The following FREM2 variants were observed in gnomAD, a reference collection of about 807,000 sequenced individuals.
FREM2 encodes FRAS1 related extracellular matrix 2, also known as FRAS1-related extracellular matrix protein 2.
FREM2 carries 119 observed loss-of-function variants against 219.9 expected under a neutral mutation model. The ratio of observed to expected loss-of-function variants is 0.54; its 90% CI spans 0.47 to 0.63. The LOEUF (loss-of-function observed/expected upper bound fraction) is 0.63, where lower values mean the gene tolerates loss of function less well. FREM2 is among the 30% of genes least tolerant of loss of function. The pLI, the probability that FREM2 is intolerant of heterozygous loss-of-function variation, is 0.00. For missense variants in FREM2, 4,030 were observed against 3,993.6 expected (o/e 1.01, Z -0.25); for synonymous variants, 1,562 against 1,522.8 (o/e 1.03, Z -0.60).
At chr13:38,758,332 C>G (rs1039708031) in intron 2 of FREM2, among the ~76,000 whole-genome samples, 1 of 152,228 alleles carries the variant, frequency 6.6e-6, no homozygotes, top group African/African-American at 2.4e-5. Context: ...GCCTTCCCCT[C>G]CATCTCTCTG....
At chr13:38,834,723 G>A (rs1040122656) in intron 6 of FREM2, among the ~76,000 whole-genome samples, 6 of 152,152 alleles carry the variant, frequency 3.9e-5, no homozygotes, top group African/African-American at 7.2e-5. Flanking sequence ...TTTTTCATAT[G>A]TTTGTTGGCT....
chr13:38,717,984 T>C (rs1871078107), intron 2 of FREM2, among the ~76,000 whole-genome samples: 1 of 152,154 alleles, frequency 6.6e-6, no homozygotes, highest in African/African-American at 2.4e-5. Context: ...ATAAGAGAAA[T>C]AGCAAGTACA....
At chr13:38,733,234 A>C (rs1871840319) in intron 2 of FREM2, among the ~76,000 whole-genome samples, 1 of 152,100 alleles carries the variant, frequency 6.6e-6, no homozygotes, top group Non-Finnish European at 1.5e-5. Flanking sequence ...GAAATAAAGA[A>C]ATAGACAAGC....
intron 2 of FREM2, among the ~76,000 whole-genome samples, chr13:38,763,192 A>G (rs1354517615): frequency 6.6e-6 from 1 of 152,218 alleles, no homozygotes. Flanking sequence ...ATTTCCCTAC[A>G]TAATCTCAGT....
At chr13:38,780,729 C>G (rs1252834549) in intron 4 of FREM2, among the ~76,000 whole-genome samples, 3 of 152,200 alleles carry the variant, frequency 2.0e-5, no homozygotes, top group Non-Finnish European at 2.9e-5. Flanking sequence ...TGGTCAGGAT[C>G]TGATGATGGC....
chr13:38,784,804 T>G lies in FREM2; in HGVS notation c.6015T>G (p.Asp2005Glu). Reference protein sequence around the residue: ...GAQVTIVPDKDDEPIFYFGDV... With the variant: ...GAQVTIVPDKEDEPIFYFGDV... ...AAGTTACAATCGTTCCTGACAAAGATGATGGTGAGTACTAATTTACTTGAA... is the reference window on the plus strand; with the variant it reads ...AAGTTACAATCGTTCCTGACAAAGAGGATGGTGAGTACTAATTTACTTGAA... Residue 2005 changes from aspartate (D) to glutamate (E), a missense_variant, in exon 6 of 24, where the codon GAT becomes GAG. By Grantham distance (45) the Asp-to-Glu change is conservative. Around this residue, in one of 2 missense-constraint regions of FREM2, gnomAD observed 3,102 missense variants for 2,950.7 expected, o/e 1.05. Transcript: ENST00000280481. 1 of 1,614,098 alleles carries G rather than the reference T, an allele frequency of 6.2e-7. No individual in the cohort carries two copies. Among genetic ancestry groups the G allele is most frequent in the South Asian group, 1.1e-5 (1 of 91,088 alleles).
At position 38,691,896 on chromosome 13, in the gene FREM2, G is replaced by C; in HGVS notation, c.4552G>C (p.Val1518Leu). The C allele has an allele frequency of 6.2e-7, 1 of 1,614,134 alleles. No individual in the cohort carries two copies. The highest frequency in any genetic ancestry group is 8.5e-7 in the Non-Finnish European group (1 of 1,180,036). Residue 1518 changes from valine (V) to leucine (L), a missense_variant, in exon 1 of 24, where the codon GTC (valine) becomes CTC (leucine). By Grantham distance (32) the Val-to-Leu change is conservative (BLOSUM62 1). Around this residue, in one of 2 missense-constraint regions of FREM2, gnomAD observed 3,102 missense variants for 2,950.7 expected, o/e 1.05. Coordinates refer to ENST00000280481, the MANE Select transcript of FREM2 (RefSeq NM_207361.6). Reference protein sequence around the residue: ...EFQVTDGRNPVFRTFRISISD... With the variant: ...EFQVTDGRNPLFRTFRISISD... ...TCAAGTCACCGATGGACGTAACCCT[G>C]TCTTTCGGACATTCCGTATCTCCAT...
intron 7 of FREM2, 61 bp downstream of exon 7, chr13:38,846,783 A>G: frequency 6.4e-7 from 1 of 1,570,578 alleles, no homozygotes; most frequent in Non-Finnish European, 8.8e-7. Context: ...CCATGGCACA[A>G]ATTTATTTAA....
intron 6 of FREM2, among the ~76,000 whole-genome samples, chr13:38,834,884 C>T (rs1402978262): frequency 6.6e-5 from 10 of 152,138 alleles, no homozygotes; most frequent in Non-Finnish European, 1.0e-4. Context: ...AAGATTTTCT[C>T]CCATTCTGTA....
rs1878639973 is a variant in FREM2, at chr13:38,883,903, A to G, written c.*3116A>G. 6.6e-6 allele frequency: 1 copy of G among 152,242 alleles called. No homozygotes were observed. The highest frequency in any genetic ancestry group is 1.5e-5 in the Non-Finnish European group (1 of 68,038). The allele number at this position is 152,242 out of a possible 1,614,324, so 9.4% of individuals were successfully genotyped here. On this transcript the variant is annotated 3_prime_UTR_variant, in exon 24 of 24. Coordinates refer to ENST00000280481, the MANE Select transcript of FREM2 (RefSeq NM_207361.6). Reference sequence around the variant, plus strand: ...TTATACAAAATGATTCAAACCAGTAACTTAGTAAAATTGACCTTCGCAAAA... The same window carrying G: ...TTATACAAAATGATTCAAACCAGTAGCTTAGTAAAATTGACCTTCGCAAAA...
intron 2 of FREM2, among the ~76,000 whole-genome samples, chr13:38,711,337 G>A: frequency 6.6e-6 from 1 of 152,200 alleles, no homozygotes; most frequent in East Asian, 1.9e-4. Flanking sequence ...GAAGATAGCA[G>A]TAAGAGATAA....
At chr13:38,852,218 G>T (rs1253105554) in intron 11 of FREM2, among the ~76,000 whole-genome samples, 1 of 152,082 alleles carries the variant, frequency 6.6e-6, no homozygotes, top group East Asian at 1.9e-4. Flanking sequence ...CCACTTATAA[G>T]TGAGAACAAG....
chr13:38,858,220 A>G (rs1877634217), intron 13 of FREM2, among the ~76,000 whole-genome samples, 187 bp downstream of exon 13: 1 of 152,218 alleles, frequency 6.6e-6, no homozygotes, highest in Non-Finnish European at 1.5e-5. Flanking sequence ...TCACCGAACA[A>G]AGGTTCATTA....
At chr13:38,713,950 A>G (rs1359440108) in intron 2 of FREM2, among the ~76,000 whole-genome samples, 3 of 152,230 alleles carry the variant, frequency 2.0e-5, no homozygotes, top group Non-Finnish European at 2.9e-5. Context: ...ACATCTCACA[A>G]TGTAGGAGAC....
chr13:38,755,034 T>C (rs1179915164), intron 2 of FREM2, among the ~76,000 whole-genome samples: 1 of 151,760 alleles, frequency 6.6e-6, no homozygotes. Context: ...TCCTGAGTAT[T>C]TGAGATTACA....
intron 14 of FREM2, 129 bp downstream of exon 14, chr13:38,859,719 A>G (rs1483593533): frequency 1.0e-6 from 1 of 965,240 alleles, no homozygotes; most frequent in African/African-American, 1.6e-5. Flanking sequence ...TGAAAAATTA[A>G]AATCTATTTT....
intron 8 of FREM2, among the ~76,000 whole-genome samples, chr13:38,849,525 A>G (rs1164306812): frequency 1.3e-5 from 2 of 152,160 alleles, no homozygotes; most frequent in Non-Finnish European, 1.5e-5. Flanking sequence ...ATCACAAGGG[A>G]ATTCTGAACA....
At chr13:38,797,206 A>T (rs984766378) in intron 6 of FREM2, among the ~76,000 whole-genome samples, 1 of 151,948 alleles carries the variant, frequency 6.6e-6, no homozygotes, top group African/African-American at 2.4e-5. Context: ...TGATTGTACT[A>T]ATTTACATTT....
At chr13:38,808,395 G>A (rs1875336053) in intron 6 of FREM2, among the ~76,000 whole-genome samples, 1 of 151,910 alleles carries the variant, frequency 6.6e-6, no homozygotes, top group African/African-American at 2.4e-5. Context: ...TCACAACTTG[G>A]ATAACTGTTG....
Sources: gnomAD v4.1 joint callset for allele counts (sites outside exome capture counted in the v4.1 genomes callset) on GRCh38, gnomAD v4.1.1 for gene constraint, gnomAD v4.1.1 regional missense constraint, MANE v1.5 for transcripts, NCBI Gene and HGNC (gene_info 2026-07-23, HGNC 2026-07-21) for gene names.